GTF2E2: variants seen among roughly 807,000 people sequenced by gnomAD.
The protein encoded by GTF2E2 is general transcription factor IIE subunit 2.
In GTF2E2, 21 loss-of-function variants were observed where a neutral mutation model predicts 40.5. That is an observed-to-expected ratio of 0.52 (90% CI 0.37 to 0.75). The LOEUF (loss-of-function observed/expected upper bound fraction) is 0.75, where lower values mean the gene tolerates loss of function less well. GTF2E2 is among the 30% of genes least tolerant of loss of function. The pLI is 0.00. For missense variants in GTF2E2, 298 were observed against 338.4 expected, an observed-to-expected ratio of 0.88 and a Z score of 0.94; for synonymous variants, 117 against 121.6, an observed-to-expected ratio of 0.96 and a Z score of 0.25.
intron 3 of GTF2E2, among the ~76,000 whole-genome samples, chr8:30,615,682 G>C (rs1398151942): frequency 6.6e-6 from 1 of 152,162 alleles, no homozygotes; most frequent in Non-Finnish European, 1.5e-5. Context: ...AAGCTAGAGA[G>C]GATGCAAAGG....
chr8:30,635,254 T>A (rs1585989496), intron 2 of GTF2E2, 131 bp from the exon 3 acceptor site: 2 of 537,536 alleles, frequency 3.7e-6, no homozygotes, highest in Non-Finnish European at 6.5e-6. Context: ...TGTAATATTC[T>A]GGTGAAAAAT....
In GTF2E2 at chr8:30,654,225, A is replaced by G. The variant is rs537379296; in HGVS notation, c.-4-623T>C. On this transcript the variant is annotated intron_variant, in intron 1 of 7. Transcript: ENST00000355904. ...TGAAATGTGGCTAGTTAAAATTGAG[A>G]TGGACTTTCAAGTGTAAAAACCCAC... Among the ~76,000 whole-genome samples the G allele has an allele frequency of 3.3e-5, 5 of 152,268 alleles. No homozygotes were observed. The East Asian group carries it at 5.8e-4, about 18-fold the overall frequency.
At chr8:30,612,743 C>T (rs2151129003) in intron 4 of GTF2E2, among the ~76,000 whole-genome samples, 1 of 152,240 alleles carries the variant, frequency 6.6e-6, no homozygotes, top group South Asian at 2.1e-4. Flanking sequence ...GACGGGGTTT[C>T]ACCACATTGG....
chr8:30,620,667 G>A (rs1267670935), intron 3 of GTF2E2, among the ~76,000 whole-genome samples: 1 of 151,304 alleles, frequency 6.6e-6, no homozygotes, highest in Non-Finnish European at 1.5e-5. Flanking sequence ...GCTCACGTCT[G>A]CAATCCCAGC....
At chr8:30,622,558 C>T (rs1396151046) in intron 3 of GTF2E2, among the ~76,000 whole-genome samples, 1 of 151,936 alleles carries the variant, frequency 6.6e-6, no homozygotes, top group African/African-American at 2.4e-5. Flanking sequence ...TATCAGGAGA[C>T]AGGGTTTTGA....
At chr8:30,593,647 C>T (rs1828910857) in intron 6 of GTF2E2, among the ~76,000 whole-genome samples, 2 of 152,168 alleles carry the variant, frequency 1.3e-5, no homozygotes, top group African/African-American at 2.4e-5. Context: ...CAGGTGCACA[C>T]CACCACACCA....
At chr8:30,613,962 T>G (rs1263444917) in intron 4 of GTF2E2, among the ~76,000 whole-genome samples, 1 of 152,246 alleles carries the variant, frequency 6.6e-6, no homozygotes, top group African/African-American at 2.4e-5. Context: ...ATAGCAGTAA[T>G]TGTGCAACAA....
chr8:30,589,138 T>A (rs1288395528), intron 6 of GTF2E2, among the ~76,000 whole-genome samples: 1 of 152,156 alleles, frequency 6.6e-6, no homozygotes. Flanking sequence ...ACGCCTGTAA[T>A]CACAGCTACT....
intron 3 of GTF2E2, among the ~76,000 whole-genome samples, chr8:30,619,036 G>A (rs903411509): frequency 4.6e-5 from 7 of 151,954 alleles, no homozygotes; most frequent in Admixed American, 6.6e-5. Context: ...TCCACCTCCC[G>A]GGTTCAAGTG....
chr8:30,598,615 A>G (rs138713307), intron 6 of GTF2E2, among the ~76,000 whole-genome samples: 402 of 152,342 alleles, frequency 2.6e-3, no homozygotes, highest in African/African-American at 9.3e-3. Flanking sequence ...GACATCTACT[A>G]TGTAAATGTA....
intron 6 of GTF2E2, among the ~76,000 whole-genome samples, chr8:30,597,893 A>C (rs1829057896): frequency 6.6e-6 from 1 of 152,256 alleles, no homozygotes; most frequent in South Asian, 2.1e-4. Flanking sequence ...CAACAAAAAT[A>C]TCTCTGTAAT....
At chr8:30,579,966 T>C (rs553764624) in intron 7 of GTF2E2, among the ~76,000 whole-genome samples, 2 of 152,170 alleles carry the variant, frequency 1.3e-5, no homozygotes, top group East Asian at 1.9e-4. Flanking sequence ...CAGCATCCCT[T>C]TAAGAATAGG....
chr8:30,583,802 A>T (rs60210583), intron 6 of GTF2E2, among the ~76,000 whole-genome samples: 30,415 of 149,508 alleles, frequency 0.2, 3,299 homozygotes, highest in Middle Eastern at 0.32. Context: ...TATTTATTTT[A>T]TTTATTTATT....
intron 2 of GTF2E2, among the ~76,000 whole-genome samples, chr8:30,648,119 A>G (rs1802157433): frequency 6.6e-6 from 1 of 152,234 alleles, no homozygotes; most frequent in African/African-American, 2.4e-5. Flanking sequence ...AGAGGGTAGG[A>G]GGTAAGAAAG....
At chr8:30,606,174 C>G (rs1367020088) in intron 6 of GTF2E2, among the ~76,000 whole-genome samples, 2 of 152,322 alleles carry the variant, frequency 1.3e-5, no homozygotes, top group East Asian at 3.9e-4. Context: ...CTGGAATATT[C>G]TGCACATTTT....
In GTF2E2 at chr8:30,596,514, T is replaced by C. The variant is rs115885366; in HGVS notation, c.643+10543A>G. Among the ~76,000 whole-genome samples, 1,094 of 152,340 alleles carry C rather than the reference T, an allele frequency of 7.2e-3. 18 individuals carry two copies. Among genetic ancestry groups the C allele is most frequent in the African/African-American group, 0.025 (1,028 of 41,570 alleles). ...CTGACCATACAAGTTGCCTGCCTTT[T>C]CTACTAGAGATTTTAACATACTGAA... On this transcript the variant is annotated intron_variant, in intron 6 of 7. Coordinates refer to ENST00000355904, the MANE Select transcript of GTF2E2 (RefSeq NM_002095.6).
intron 6 of GTF2E2, among the ~76,000 whole-genome samples, chr8:30,591,256 CAGG>C (rs929860727): frequency 1.4e-4 from 21 of 152,240 alleles, no homozygotes; most frequent in African/African-American, 5.1e-4. Flanking sequence ...AAGGCCACGG[CAGG>C]AGGATTACTT....
rs531650934 is a variant in GTF2E2 at position 30,629,077 on chromosome 8, T to C, written c.258+5955A>G. 1.3e-3 allele frequency among the ~76,000 whole-genome samples: 201 copies of C among 152,344 alleles called. 2 individuals are homozygous for C. The highest frequency in any genetic ancestry group is 0.012 in the South Asian group (59 of 4,834). On this transcript the variant is annotated intron_variant, in intron 3 of 7. Transcript: ENST00000355904. ...ATTCCTAAACTTTACTCCATCACAA[T>C]GTATTATCAGATCTATGGACATATA...
intron 3 of GTF2E2, among the ~76,000 whole-genome samples, chr8:30,617,289 C>T (rs1256552733): frequency 3.3e-5 from 5 of 152,132 alleles, no homozygotes; most frequent in Non-Finnish European, 7.3e-5. Context: ...ATTCATTGAG[C>T]GTTTGCTGTT....
Sources: allele counts gnomAD v4.1 joint callset (sites outside exome capture counted in the v4.1 genomes callset), GRCh38; gene constraint gnomAD v4.1.1; transcripts MANE v1.5; gene names NCBI Gene and HGNC (gene_info 2026-07-23, HGNC 2026-07-21).